Variants in DLGAP1 observed in about 807,000 individuals in gnomAD.
DLGAP1 encodes the protein disks large-associated protein 1.
Under a neutral mutation model 90.8 loss-of-function variants are expected in DLGAP1, and 11 were observed. The observed-to-expected ratio is 0.12, with a 90% CI of 0.08 to 0.20. The LOEUF is 0.20. Among genes scored for constraint, DLGAP1 ranks in the 10% least tolerant of loss-of-function variants. The pLI, the probability that DLGAP1 is intolerant of heterozygous loss-of-function variation, is 1.00. For synonymous variants in DLGAP1, 558 were observed against 540.7 expected (o/e 1.03, Z -0.44); for missense variants, 1,050 against 1,333.8 (o/e 0.79, Z 3.31).
At chr18:3,515,734 G>C (rs1179531419) in intron 10 of DLGAP1, among the ~76,000 whole-genome samples, 1 of 134,224 alleles carries the variant, frequency 7.5e-6, no homozygotes, top group Non-Finnish European at 1.5e-5. Context: ...AGCCGTGATT[G>C]TGCCACCGCA....
chr18:4,200,650 C>T (rs1279047202), intron 1 of DLGAP1, among the ~76,000 whole-genome samples: 3 of 151,362 alleles, frequency 2.0e-5, no homozygotes, highest in Non-Finnish European at 3.0e-5. Flanking sequence ...CTACAATGGC[C>T]AGAACTTTCA....
At chr18:4,121,180 G>A (rs1054544699) in intron 2 of DLGAP1, among the ~76,000 whole-genome samples, 2 of 152,126 alleles carry the variant, frequency 1.3e-5, no homozygotes, top group African/African-American at 2.4e-5. Flanking sequence ...AGACCTGAGA[G>A]TGAGAAGGAA....
At chr18:3,902,014 G>A (rs1418356342) in intron 3 of DLGAP1, among the ~76,000 whole-genome samples, 1 of 152,182 alleles carries the variant, frequency 6.6e-6, no homozygotes, top group East Asian at 1.9e-4. Context: ...TGAAGTGCAT[G>A]TCTGCCTTCC....
At position 4,419,656 on chromosome 18, in the gene DLGAP1, A is replaced by G. The variant is rs898578602; in HGVS notation, c.-267+35350T>C. 3.9e-4 allele frequency among the ~76,000 whole-genome samples: 12 copies of G among 30,404 alleles called. 1 individual carries two copies. The South Asian group carries it at 0.018, about 46-fold the overall frequency. The allele number at this position is 30,404 out of a possible 152,430, so 19.9% of individuals were successfully genotyped here. On this transcript the variant is annotated intron_variant, in intron 1 of 12. Transcript: ENST00000315677. ...AATAATAAGATAAAGGATGGGAGGG[A>G]AATTCAGATTATTTAAGGTCCTTAC...
intron 6 of DLGAP1, among the ~76,000 whole-genome samples, chr18:3,735,812 G>T (rs1401489098): frequency 6.6e-6 from 1 of 151,998 alleles, no homozygotes; most frequent in East Asian, 1.9e-4. Flanking sequence ...CAATATTATT[G>T]CCACCAATAC....
At chr18:3,752,820 T>C (rs3912068) in intron 5 of DLGAP1, among the ~76,000 whole-genome samples, 26,766 of 151,736 alleles carry the variant, frequency 0.18, 2,841 homozygotes, top group East Asian at 0.54. Context: ...CCTAGCATGA[T>C]GTTTTCAAGG....
At chr18:4,322,661 T>G (rs761339720) in intron 1 of DLGAP1, among the ~76,000 whole-genome samples, 3 of 152,044 alleles carry the variant, frequency 2.0e-5, no homozygotes, top group Non-Finnish European at 2.9e-5. Flanking sequence ...TGTATCAAAG[T>G]AAAAAGCTAC....
At chr18:3,842,790 A>G (rs1267324070) in intron 4 of DLGAP1, among the ~76,000 whole-genome samples, 4 of 152,122 alleles carry the variant, frequency 2.6e-5, no homozygotes, top group Non-Finnish European at 4.4e-5. Flanking sequence ...AGTTTTTGAC[A>G]TGATAGGTTT....
chr18:3,673,273 A>G (rs180739144), intron 7 of DLGAP1, among the ~76,000 whole-genome samples: 45 of 152,190 alleles, frequency 3.0e-4, no homozygotes, highest in Admixed American at 2.0e-3. Flanking sequence ...GCACAAACCT[A>G]TCCCTCTACT....
intron 2 of DLGAP1, among the ~76,000 whole-genome samples, chr18:4,060,838 T>C (rs2075288274): frequency 6.6e-6 from 1 of 152,158 alleles, no homozygotes; most frequent in African/African-American, 2.4e-5. Flanking sequence ...TTTGGAGAAG[T>C]CAGAAAGTCC....
chr18:4,168,134 A>T (rs567358382), intron 1 of DLGAP1, among the ~76,000 whole-genome samples: 2 of 152,314 alleles, frequency 1.3e-5, no homozygotes, highest in South Asian at 4.1e-4. Flanking sequence ...TAGCTAAAAT[A>T]ATCTTGACAA....
At chr18:3,948,372 AC>A (rs2072917054) in intron 3 of DLGAP1, among the ~76,000 whole-genome samples, 1 of 151,988 alleles carries the variant, frequency 6.6e-6, no homozygotes, top group Admixed American at 6.6e-5. Flanking sequence ...TCCTTTTTCC[AC>A]TATTGAAAAT....
chr18:3,826,955 A>G (rs1209660786), intron 4 of DLGAP1, among the ~76,000 whole-genome samples: 4 of 152,100 alleles, frequency 2.6e-5, no homozygotes, highest in Non-Finnish European at 5.9e-5. Context: ...GTGGACTGAG[A>G]AACAGTAGTT....
At chr18:3,723,781 T>C (rs1001283624) in intron 7 of DLGAP1, among the ~76,000 whole-genome samples, 1 of 152,116 alleles carries the variant, frequency 6.6e-6, no homozygotes, top group Admixed American at 6.5e-5. Context: ...CTGCCAGGAA[T>C]GGGGGAGGGT....
Position 4,112,038 on chromosome 18 carries a change from T to C in DLGAP1, c.-159+39142A>G, listed in dbSNP as rs969531326. Among the ~76,000 whole-genome samples, 4 of 151,728 alleles carry C rather than the reference T, an allele frequency of 2.6e-5. No homozygotes were observed. The East Asian group carries it at 7.7e-4, about 29-fold the overall frequency. On this transcript the variant is annotated intron_variant, in intron 2 of 12. Coordinates refer to ENST00000315677, the MANE Select transcript of DLGAP1 (RefSeq NM_004746.4). The stretch of plus-strand genomic sequence containing the variant: ...ATGGAAGATGGTTATTTATTTGAGA[T>C]CTTTCTTCTTTTTTAATGTAGGCAC...
intron 2 of DLGAP1, among the ~76,000 whole-genome samples, chr18:4,040,209 T>C (rs867752576): frequency 1.3e-5 from 2 of 152,238 alleles, no homozygotes; most frequent in Non-Finnish European, 2.9e-5. Flanking sequence ...TTCTTTTTGC[T>C]TTAAGCTCCT....
chr18:3,655,814 G>T, intron 7 of DLGAP1: 1 of 407,194 alleles, frequency 2.5e-6, no homozygotes. Flanking sequence ...CAGGCTCGCT[G>T]ACGAGCACCG....
chr18:4,261,127 G>A (rs2078994414), intron 1 of DLGAP1, among the ~76,000 whole-genome samples: 1 of 152,146 alleles, frequency 6.6e-6, no homozygotes, highest in South Asian at 2.1e-4. Context: ...TATCTAAAAG[G>A]CAGAGTATGT....
chr18:3,759,486 C>T (rs1484766485), intron 5 of DLGAP1, among the ~76,000 whole-genome samples: 3 of 152,170 alleles, frequency 2.0e-5, no homozygotes, highest in Non-Finnish European at 4.4e-5. Flanking sequence ...ATTCTTTCAG[C>T]GTGCCAAATA....
Sources: gnomAD v4.1 joint callset for allele counts (sites outside exome capture counted in the v4.1 genomes callset) on GRCh38, gnomAD v4.1.1 for gene constraint, MANE v1.5 for transcripts, NCBI Gene and HGNC (gene_info 2026-07-23, HGNC 2026-07-21) for gene names.